XXYLT1: variants seen among roughly 807,000 people sequenced by gnomAD.
The protein encoded by XXYLT1 is xyloside xylosyltransferase 1.
Under a neutral mutation model 28.9 loss-of-function variants are expected in XXYLT1, and 20 were observed. That is an observed-to-expected ratio of 0.69 (90% CI 0.49 to 1.00). The LOEUF (loss-of-function observed/expected upper bound fraction) is 1.00. XXYLT1 is among the 50% of genes least tolerant of loss of function. The pLI is 0.00. For synonymous variants in XXYLT1, 257 were observed against 253.8 expected, an observed-to-expected ratio of 1.01 and a Z score of -0.12; for missense variants, 542 against 560.1, an observed-to-expected ratio of 0.97 and a Z score of 0.33.
chr3:195,207,032 G>A (rs1560152052), intron 2 of XXYLT1, among the ~76,000 whole-genome samples: 1 of 152,082 alleles, frequency 6.6e-6, no homozygotes, highest in Admixed American at 6.5e-5. Flanking sequence ...TCAGTGCCTC[G>A]CCATCAGTAA....
intron 3 of XXYLT1, among the ~76,000 whole-genome samples, chr3:195,109,906 GT>G (rs1717418744): frequency 1.6e-5 from 1 of 61,528 alleles, no homozygotes; most frequent in African/African-American, 5.1e-5. Flanking sequence ...GTGGGTGTGT[GT>G]GGTGTGTGTG....
chr3:195,267,622 T>C (rs916049400), intron 1 of XXYLT1, among the ~76,000 whole-genome samples: 10 of 152,220 alleles, frequency 6.6e-5, no homozygotes, highest in African/African-American at 2.4e-4. Flanking sequence ...TCAATGTCAG[T>C]GCCCTTAAGG....
At chr3:195,156,679 G>T in intron 2 of XXYLT1, 98 bp from the exon 3 acceptor site, 1 of 1,471,934 alleles carries the variant, frequency 6.8e-7, no homozygotes, top group Non-Finnish European at 9.2e-7. Context: ...AAAGGGCACT[G>T]GACTCTTACT....
chr3:195,227,228 C>A (rs1467256514), intron 1 of XXYLT1, among the ~76,000 whole-genome samples: 1 of 152,176 alleles, frequency 6.6e-6, no homozygotes, highest in East Asian at 1.9e-4. Flanking sequence ...CTGGAAACCA[C>A]GTGAGAGTGT....
At chr3:195,238,709 T>C (rs1030888040) in intron 1 of XXYLT1, among the ~76,000 whole-genome samples, 1 of 152,158 alleles carries the variant, frequency 6.6e-6, no homozygotes, top group Non-Finnish European at 1.5e-5. Flanking sequence ...TCCTAAGTGT[T>C]AGCACCAAAC....
chr3:195,139,945 G>C (rs2108644920), intron 3 of XXYLT1, among the ~76,000 whole-genome samples: 1 of 152,322 alleles, frequency 6.6e-6, no homozygotes, highest in South Asian at 2.1e-4. Flanking sequence ...GGAGGCATAA[G>C]GCGACATCTC....
intron 2 of XXYLT1, among the ~76,000 whole-genome samples, chr3:195,207,956 C>CAG (rs1560152446): frequency 1.3e-5 from 2 of 152,118 alleles, no homozygotes; most frequent in South Asian, 2.1e-4. Context: ...AGGCAAGGCT[C>CAG]AGAGAGAGAG....
intron 1 of XXYLT1, among the ~76,000 whole-genome samples, chr3:195,267,617 G>A (rs1725884127): frequency 2.0e-5 from 3 of 152,190 alleles, no homozygotes; most frequent in Admixed American, 2.0e-4. Context: ...ACACGTCAAT[G>A]TCAGTGCCCT....
chr3:195,123,587 G>T (rs1718475445), intron 3 of XXYLT1, among the ~76,000 whole-genome samples: 2 of 152,186 alleles, frequency 1.3e-5, no homozygotes. Flanking sequence ...AATTATTAAT[G>T]GGACTCTGAA....
Position 195,069,616 on chromosome 3 carries a change from TGTCTCTCTAGCGG to T in XXYLT1, c.*86_*98del, listed in dbSNP as rs1714677276. On this transcript the variant is annotated 3_prime_UTR_variant, in exon 4 of 4. Transcript: ENST00000310380. Reference sequence around the variant, plus strand: ...CCTTAATCACAGGACTTCCCTGCGGTGTCTCTCTAGCGGGTCAGACACTGCCCTTGGGTCTGTC... The same window carrying T: ...CCTTAATCACAGGACTTCCCTGCGGTGTCAGACACTGCCCTTGGGTCTGTC... 1.4e-6 allele frequency: 2 copies of T among 1,474,916 alleles called. No homozygotes were observed. The highest frequency in any genetic ancestry group is 4.6e-5 in the East Asian group (2 of 43,924). The allele number at this position is 1,474,916 out of a possible 1,614,324, so 91.4% of individuals were successfully genotyped here.
intron 2 of XXYLT1, among the ~76,000 whole-genome samples, chr3:195,213,467 T>C (rs978085549): frequency 3.3e-5 from 5 of 152,270 alleles, no homozygotes; most frequent in African/African-American, 1.2e-4. Flanking sequence ...TTTCTCCATG[T>C]TGGTCGGGCT....
At chr3:195,125,988 G>A (rs11707930) in intron 3 of XXYLT1, among the ~76,000 whole-genome samples, 42,087 of 151,902 alleles carry the variant, frequency 0.28, 6,564 homozygotes, top group East Asian at 0.72. Context: ...CACAAGGAGT[G>A]CCCCCAAAAC....
intron 3 of XXYLT1, among the ~76,000 whole-genome samples, chr3:195,118,029 C>T (rs4677661): frequency 0.49 from 75,139 of 152,204 alleles, 19,509 homozygotes; most frequent in Non-Finnish European, 0.55. Context: ...CTCTGCTCCA[C>T]GTCCTGCCCC....
chr3:195,270,256 C>A, intron 1 of XXYLT1: 1 of 570,702 alleles, frequency 1.8e-6, no homozygotes, highest in Non-Finnish European at 3.0e-6. Context: ...CTGAACCCTG[C>A]AACGTTAGCA....
chr3:195,191,247 C>A (rs1274570185), intron 2 of XXYLT1, among the ~76,000 whole-genome samples: 1 of 152,140 alleles, frequency 6.6e-6, no homozygotes, highest in Non-Finnish European at 1.5e-5. Flanking sequence ...CCCCTTCCAC[C>A]TCCTCCACCT....
At chr3:195,262,858 T>A (rs1447727153) in intron 1 of XXYLT1, among the ~76,000 whole-genome samples, 3 of 152,240 alleles carry the variant, frequency 2.0e-5, no homozygotes, top group African/African-American at 7.2e-5. Flanking sequence ...TTTAAAAGAA[T>A]GCCACTGTTA....
chr3:195,121,174 G>A (rs1427345223), intron 3 of XXYLT1, among the ~76,000 whole-genome samples: 1 of 152,206 alleles, frequency 6.6e-6, no homozygotes, highest in Admixed American at 6.5e-5. Flanking sequence ...CTGCAGGAAG[G>A]CCTTGGCCGC....
chr3:195,114,722 C>T (rs191884390), intron 3 of XXYLT1, among the ~76,000 whole-genome samples: 1 of 152,378 alleles, frequency 6.6e-6, no homozygotes, highest in Non-Finnish European at 1.5e-5. Flanking sequence ...TGCCCACATT[C>T]CCTGAACCTC....
rs1722982814 is a variant in XXYLT1, at chr3:195,204,455, C to A, written c.652+22254G>T. On this transcript the variant is annotated intron_variant, in intron 2 of 3. Coordinates refer to ENST00000310380, the MANE Select transcript of XXYLT1 (RefSeq NM_152531.5). ...TCTCTCTCCCTGACACACACACGCACACACACACACTCACTCTCTCACTCT... is the reference window on the plus strand; with the variant it reads ...TCTCTCTCCCTGACACACACACGCAAACACACACACTCACTCTCTCACTCT... Among the ~76,000 whole-genome samples, 4 of 150,974 alleles carry A rather than the reference C, an allele frequency of 2.6e-5. No homozygotes were observed. In the South Asian group the frequency reaches 8.3e-4, roughly 31 times the overall value.
Sources: gnomAD v4.1 joint callset for allele counts (sites outside exome capture counted in the v4.1 genomes callset) on GRCh38, gnomAD v4.1.1 for gene constraint, MANE v1.5 for transcripts, NCBI Gene and HGNC (gene_info 2026-07-23, HGNC 2026-07-21) for gene names.